The following SPECC1 variants were observed in gnomAD, a reference collection of about 807,000 sequenced individuals.
SPECC1 encodes sperm antigen with calponin homology and coiled-coil domains 1.
SPECC1 carries 62 observed loss-of-function variants against 104.1 expected under a neutral mutation model. The observed-to-expected ratio is 0.60, with a 90% CI of 0.49 to 0.74. The LOEUF (loss-of-function observed/expected upper bound fraction) is 0.74. SPECC1 is among the 30% of genes least tolerant of loss of function. The probability of loss-of-function intolerance (pLI) is 0.00; values close to 1 mark genes in which losing one functional copy is unlikely to be tolerated. For synonymous variants in SPECC1, 513 were observed against 501.6 expected, an observed-to-expected ratio of 1.02 and a Z score of -0.30; for missense variants, 1,306 against 1,310.5, an observed-to-expected ratio of 1.00 and a Z score of 0.05.
At chr17:20,114,566 G>T (rs2048663996) in intron 3 of SPECC1, among the ~76,000 whole-genome samples, 1 of 151,526 alleles carries the variant, frequency 6.6e-6, no homozygotes, top group African/African-American at 2.4e-5. Context: ...CAACAGTAGA[G>T]GAAGGGCCTG....
chr17:20,298,948 A>AGAGAGTGTGTGTGTGTGT lies in SPECC1; in HGVS notation c.3057+1872_3057+1873insAGAGTGTGTGTGTGTGTG. Among the ~76,000 whole-genome samples, 86 of 49,050 alleles carry AGAGAGTGTGTGTGTGTGT rather than the reference A, an allele frequency of 1.8e-3. 1 individual carries two copies. The highest frequency in any genetic ancestry group is 0.017 in the East Asian group (2 of 120). The allele number at this position is 49,050 out of a possible 152,430, so 32.2% of individuals were successfully genotyped here. On this transcript the variant is annotated intron_variant, in intron 13 of 14. Coordinates refer to ENST00000395527, the MANE Select transcript of SPECC1 (RefSeq NM_001243439.2). ...GAGAGAGAGAGAGAGAGAGAGAGAG[A>AGAGAGTGTGTGTGTGTGT]GTGTGTGTGTGTGTGTGTGTGTGTA...
chr17:20,173,372 G>T (rs539844817), intron 3 of SPECC1, among the ~76,000 whole-genome samples: 1 of 152,328 alleles, frequency 6.6e-6, no homozygotes, highest in African/African-American at 2.4e-5. Context: ...TATTATCTGT[G>T]AGACAGCTGT....
intron 3 of SPECC1, among the ~76,000 whole-genome samples, chr17:20,129,889 G>C (rs12937827): frequency 0.29 from 44,384 of 152,036 alleles, 8,271 homozygotes; most frequent in Non-Finnish European, 0.41. Flanking sequence ...AAGAAGCTGG[G>C]ATTATAGGCT....
At chr17:20,235,252 T>C (rs999908888) in intron 7 of SPECC1, among the ~76,000 whole-genome samples, 3 of 152,220 alleles carry the variant, frequency 2.0e-5, no homozygotes. Context: ...CATATCTTAG[T>C]TGTGGCTTGG....
chr17:20,112,334 A>G lies in SPECC1; in HGVS notation c.283+1772A>G, dbSNP rs1017764958. ...TTAATTTATTGGATATGTTAGAAGA[A>G]GCAAGATTTTTTGTATTGACTCATT... On this transcript the variant is annotated intron_variant, in intron 3 of 14. Transcript: ENST00000395527. 4.0e-6 allele frequency: 3 copies of G among 756,784 alleles called. No individual in the cohort carries two copies. The African/African-American group carries it at 5.1e-5, about 13-fold the overall frequency. The allele number at this position is 756,784 out of a possible 1,614,324, so 46.9% of individuals were successfully genotyped here.
chr17:20,080,331 G>C (rs910384532), intron 1 of SPECC1, among the ~76,000 whole-genome samples: 2 of 152,132 alleles, frequency 1.3e-5, no homozygotes. Flanking sequence ...GGACACTGTA[G>C]GAAAGAGATG....
At chr17:20,184,291 A>G (rs1040442017) in intron 3 of SPECC1, among the ~76,000 whole-genome samples, 2 of 152,068 alleles carry the variant, frequency 1.3e-5, no homozygotes, top group Non-Finnish European at 2.9e-5. Flanking sequence ...GGTGACAAAT[A>G]TAACTCACAA....
rs570187358 is a variant in SPECC1 at position 20,313,260 on chromosome 17, TAACA to T, written c.3118-705_3118-702del. On this transcript the variant is annotated intron_variant, in intron 14 of 14. Coordinates refer to ENST00000395527, the MANE Select transcript of SPECC1 (RefSeq NM_001243439.2). ...CAAAAAATCACCAAACTGTATTAAA[TAACA>T]AACAAACAAAAAAACACATTAAGTA... Among the ~76,000 whole-genome samples the T allele has an allele frequency of 6.5e-4, 99 of 152,262 alleles. 1 individual carries two copies. Among genetic ancestry groups the T allele is most frequent in the East Asian group, 5.0e-3 (26 of 5,188 alleles).
chr17:20,117,471 G>C (rs565731125), intron 3 of SPECC1, among the ~76,000 whole-genome samples: 4 of 152,010 alleles, frequency 2.6e-5, no homozygotes, highest in African/African-American at 9.6e-5. Flanking sequence ...TATTTACAAA[G>C]AGTTTATACA....
chr17:20,066,716 C>G (rs1481368201), intron 1 of SPECC1, among the ~76,000 whole-genome samples: 1 of 151,862 alleles, frequency 6.6e-6, no homozygotes, highest in Non-Finnish European at 1.5e-5. Flanking sequence ...GAGTCTGATA[C>G]TGTCAGGATA....
intron 2 of SPECC1, among the ~76,000 whole-genome samples, chr17:20,099,292 C>G (rs1261654370): frequency 1.3e-5 from 2 of 151,928 alleles, no homozygotes; most frequent in Non-Finnish European, 2.9e-5. Flanking sequence ...ATCCAATAAG[C>G]AACATATAAA....
intron 4 of SPECC1, among the ~76,000 whole-genome samples, chr17:20,213,246 C>G (rs933691794): frequency 2.0e-5 from 3 of 152,054 alleles, no homozygotes; most frequent in African/African-American, 7.2e-5. Flanking sequence ...TACAGGTGTG[C>G]AACACTATGC....
chr17:20,318,595 G>C lies in SPECC1; in HGVS notation c.*4530G>C, dbSNP rs1467002282. Reference sequence around the variant, plus strand: ...GGCAGCTTGTGGAGATGGAGGACTCGGGCCCATAGATGCAGACCCCCTACC... The same window carrying C: ...GGCAGCTTGTGGAGATGGAGGACTCCGGCCCATAGATGCAGACCCCCTACC... On this transcript the variant is annotated 3_prime_UTR_variant, in exon 15 of 15. Coordinates refer to ENST00000395527, the MANE Select transcript of SPECC1 (RefSeq NM_001243439.2). 4 of 229,036 alleles carry C rather than the reference G, an allele frequency of 1.7e-5. No individual in the cohort carries two copies. Among genetic ancestry groups the C allele is most frequent in the African/African-American group, 4.4e-5 (2 of 45,014 alleles). The allele number at this position is 229,036 out of a possible 1,614,324, so 14.2% of individuals were successfully genotyped here.
Position 20,318,337 on chromosome 17 carries a change from GC to G in SPECC1, c.*4276del. The G allele has an allele frequency of 4.3e-6, 1 of 231,896 alleles. No homozygotes were observed. The highest frequency in any genetic ancestry group is 8.5e-6 in the Non-Finnish European group (1 of 117,170). 14.4% of individuals were successfully genotyped at this position (231,896 alleles called of 1,614,324 possible). On this transcript the variant is annotated 3_prime_UTR_variant, in exon 15 of 15. Coordinates refer to ENST00000395527, the MANE Select transcript of SPECC1 (RefSeq NM_001243439.2). ...ATTCTCAGGAGCTTCTCTTGTCCTAGCCCCTTCTCATTTCAAAAATATTAGT... is the reference window on the plus strand; with the variant it reads ...ATTCTCAGGAGCTTCTCTTGTCCTAGCCCTTCTCATTTCAAAAATATTAGT...
intron 12 of SPECC1, among the ~76,000 whole-genome samples, chr17:20,286,948 CTG>C (rs2040968919): frequency 6.6e-6 from 1 of 152,374 alleles, no homozygotes; most frequent in South Asian, 2.1e-4. Context: ...CTCCTGGAAA[CTG>C]TGCTAGCCCC....
chr17:20,040,897 G>A (rs1043445244), intron 1 of SPECC1, among the ~76,000 whole-genome samples: 2 of 152,008 alleles, frequency 1.3e-5, no homozygotes, highest in African/African-American at 2.4e-5. Context: ...TTTTGAATAC[G>A]TTTCCAGCTG....
At chr17:20,283,561 C>T (rs1444942268) in intron 12 of SPECC1, among the ~76,000 whole-genome samples, 1 of 152,094 alleles carries the variant, frequency 6.6e-6, no homozygotes, top group Admixed American at 6.6e-5. Flanking sequence ...ATTACAGGTT[C>T]ATTTCTCTGC....
intron 7 of SPECC1, among the ~76,000 whole-genome samples, chr17:20,241,895 G>A (rs1002827852): frequency 7.2e-5 from 11 of 152,266 alleles, no homozygotes; most frequent in South Asian, 4.1e-4. Context: ...AAGGCACAGA[G>A]GCAGGGCATA....
chr17:20,099,462 C>G (rs1389260251), intron 2 of SPECC1, among the ~76,000 whole-genome samples: 1 of 135,088 alleles, frequency 7.4e-6, no homozygotes, highest in Non-Finnish European at 1.5e-5. Context: ...CACCTGAGGT[C>G]AGGAGTTCAA....
Sources: allele counts gnomAD v4.1 joint callset (sites outside exome capture counted in the v4.1 genomes callset), GRCh38; gene constraint gnomAD v4.1.1; transcripts MANE v1.5; gene names NCBI Gene and HGNC (gene_info 2026-07-23, HGNC 2026-07-21).